SH3GL3: variants seen among roughly 807,000 people sequenced by gnomAD.
The protein encoded by SH3GL3 is endophilin-A3.
SH3GL3 carries 33 observed loss-of-function variants against 47.7 expected under a neutral mutation model. The observed-to-expected ratio is 0.69, with a 90% confidence interval of 0.52 to 0.92. SH3GL3 has a LOEUF of 0.92. SH3GL3 is among the 40% of genes least tolerant of loss of function. The pLI is 0.00. For missense variants in SH3GL3, 363 were observed against 417.8 expected (o/e 0.87, Z 1.14); for synonymous variants, 155 against 148.8 (o/e 1.04, Z -0.30).
At chr15:83,503,358 T>C (rs1000500785) in intron 1 of SH3GL3, among the ~76,000 whole-genome samples, 9 of 152,194 alleles carry the variant, frequency 5.9e-5, no homozygotes, top group African/African-American at 2.2e-4. Flanking sequence ...TGATGATTTT[T>C]CTATGAGAAT....
intron 6 of SH3GL3, among the ~76,000 whole-genome samples, chr15:83,581,122 G>C (rs1348071535): frequency 1.3e-5 from 2 of 152,204 alleles, no homozygotes; most frequent in African/African-American, 2.4e-5. Flanking sequence ...CGCAATAAAA[G>C]CTTCACCGGG....
intron 1 of SH3GL3, among the ~76,000 whole-genome samples, chr15:83,521,254 G>A (rs980257936): frequency 6.6e-6 from 1 of 152,122 alleles, no homozygotes; most frequent in Admixed American, 6.6e-5. Flanking sequence ...CATTAGCCAG[G>A]GTCCAGTTAG....
intron 1 of SH3GL3, among the ~76,000 whole-genome samples, chr15:83,493,225 AGTG>A (rs2041947534): frequency 6.6e-6 from 1 of 152,062 alleles, no homozygotes; most frequent in Non-Finnish European, 1.5e-5. Flanking sequence ...AAAATAATCC[AGTG>A]GTGGTGGTGG....
At position 83,568,626 on chromosome 15, in the gene SH3GL3, C is replaced by T. The variant is rs1368725037; in HGVS notation, c.285C>T (p.Asp95=). 1 of 1,613,598 alleles carries T rather than the reference C, an allele frequency of 6.2e-7. No homozygotes were observed. Among genetic ancestry groups the T allele is most frequent in the Non-Finnish European group, 8.5e-7 (1 of 1,179,652 alleles). ...CGCAGACGGAAGGCTTGCTGGGGGA[C>T]TGTATGCTGAAATACGGGAAGGAGC... ...GYPQTEGLLG[D]CMLKYGKELG... Residue 95 remains aspartate, a synonymous_variant, in exon 4 of 9, where the codon GAC becomes GAT. Coordinates refer to ENST00000427482, the MANE Select transcript of SH3GL3 (RefSeq NM_003027.5).
intron 1 of SH3GL3, among the ~76,000 whole-genome samples, chr15:83,504,847 T>C (rs1183745240): frequency 6.6e-6 from 1 of 152,202 alleles, no homozygotes; most frequent in Non-Finnish European, 1.5e-5. Context: ...TGGGGGTAAT[T>C]TTTTAGCAGA....
At chr15:83,500,737 T>C (rs1468207853) in intron 1 of SH3GL3, among the ~76,000 whole-genome samples, 1 of 152,232 alleles carries the variant, frequency 6.6e-6, no homozygotes, top group African/African-American at 2.4e-5. Context: ...CAGCTCTTTG[T>C]GAGAAAGTCC....
At chr15:83,571,883 G>A (rs1028930521) in intron 4 of SH3GL3, among the ~76,000 whole-genome samples, 2 of 152,128 alleles carry the variant, frequency 1.3e-5, no homozygotes, top group African/African-American at 4.8e-5. Flanking sequence ...CAGTAATCTG[G>A]CAAATTACTG....
chr15:83,467,303 C>T (rs923601807), intron 1 of SH3GL3, among the ~76,000 whole-genome samples: 8 of 152,226 alleles, frequency 5.3e-5, no homozygotes, highest in South Asian at 2.1e-4. Context: ...ATCCCTCCTC[C>T]GTTGAATTGC....
chr15:83,486,756 T>C (rs1299978397), intron 1 of SH3GL3, among the ~76,000 whole-genome samples: 3 of 152,232 alleles, frequency 2.0e-5, no homozygotes, highest in African/African-American at 7.2e-5. Context: ...CTGGGTGGCT[T>C]AAATAACAGA....
downstream of SH3GL3, among the ~76,000 whole-genome samples, chr15:83,623,554 G>C (rs2060920608): frequency 3.3e-5 from 5 of 152,244 alleles, no homozygotes; most frequent in Admixed American, 1.3e-4. Flanking sequence ...CTCACAGGCT[G>C]GGCCTGCTAC....
Position 83,618,221 on chromosome 15 carries a change from G to T in SH3GL3, c.978G>T (p.Met326Ile), listed in dbSNP as rs748202631. The T allele has an allele frequency of 6.8e-5, 109 of 1,611,778 alleles. No individual in the cohort carries two copies. Among genetic ancestry groups the T allele is most frequent in the Non-Finnish European group, 8.6e-5 (101 of 1,177,908 alleles). The stretch of plus-strand genomic sequence containing the variant: ...TAGATGAAAACTGGTATGAAGGAAT[G>T]ATACACGGAGAATCGGGATTCTTCC... ...NQIDENWYEG[M>I]IHGESGFFPI... The change falls in exon 9 of 9, where the codon ATG becomes ATT. Residue 326 changes from methionine (M) to isoleucine (I), a missense_variant. Coordinates refer to ENST00000427482, the MANE Select transcript of SH3GL3 (RefSeq NM_003027.5).
chr15:83,625,322 T>G, the SH3GL3 span, among the ~76,000 whole-genome samples: 1 of 152,246 alleles, frequency 6.6e-6, no homozygotes, highest in East Asian at 1.9e-4. Context: ...AGAACTGTGC[T>G]CTGAAGGCCG....
At chr15:83,470,187 G>T (rs1284479085) in intron 1 of SH3GL3, among the ~76,000 whole-genome samples, 2 of 151,722 alleles carry the variant, frequency 1.3e-5, no homozygotes, top group Non-Finnish European at 2.9e-5. Flanking sequence ...TACATTTTTT[G>T]ACTTTCAACC....
intron 1 of SH3GL3, among the ~76,000 whole-genome samples, chr15:83,510,621 A>G (rs2042705968): frequency 6.6e-6 from 1 of 152,200 alleles, no homozygotes; most frequent in Non-Finnish European, 1.5e-5. Context: ...ATACAATGTA[A>G]ATAACAGTCA....
chr15:83,485,234 A>G (rs28609309), intron 1 of SH3GL3, among the ~76,000 whole-genome samples: 6,989 of 152,178 alleles, frequency 0.046, 543 homozygotes, highest in African/African-American at 0.16. Flanking sequence ...GTGCTTATTT[A>G]TTGTTTGGAT....
intron 1 of SH3GL3, among the ~76,000 whole-genome samples, chr15:83,556,800 G>A (rs2044983859): frequency 6.6e-6 from 1 of 152,190 alleles, no homozygotes; most frequent in South Asian, 2.1e-4. Context: ...CTGGGTGGGT[G>A]GATGTGCTGG....
At chr15:83,491,178 TG>T (rs1269240420) in intron 1 of SH3GL3, among the ~76,000 whole-genome samples, 1 of 152,242 alleles carries the variant, frequency 6.6e-6, no homozygotes, top group East Asian at 1.9e-4. Flanking sequence ...TAAGCTCACC[TG>T]GTCAGTAAGT....
chr15:83,447,390 G>A lies in SH3GL3; in HGVS notation c.-144G>A. 2.1e-6 allele frequency: 1 copy of A among 469,664 alleles called. No individual in the cohort carries two copies. The highest frequency in any genetic ancestry group is 2.1e-5 in the African/African-American group (1 of 48,378). 29.1% of individuals were successfully genotyped at this position (469,664 alleles called of 1,614,324 possible). ...TGTGTGCGAGTGTGACAGCGGCTGT[G>A]GCTGTGGCCGTGGCCGTGGGAGGCG... On this transcript the variant is annotated 5_prime_UTR_variant, in exon 1 of 9. Coordinates refer to ENST00000427482, the MANE Select transcript of SH3GL3 (RefSeq NM_003027.5). This position sits in a 1 kb window ranked among gnomAD's most constrained non-coding sequence, Gnocchi z 5.1.
chr15:83,476,473 A>C (rs2041102943), intron 1 of SH3GL3, among the ~76,000 whole-genome samples: 2 of 152,240 alleles, frequency 1.3e-5, no homozygotes, highest in South Asian at 4.1e-4. Flanking sequence ...ATTACATAGA[A>C]TATTCTAAAA....
Sources: allele counts gnomAD v4.1 joint callset (sites outside exome capture counted in the v4.1 genomes callset), GRCh38; gene constraint gnomAD v4.1.1; non-coding constraint Gnocchi (gnomAD v3.1); transcripts MANE v1.5; gene names NCBI Gene and HGNC (gene_info 2026-07-23, HGNC 2026-07-21).